The following EFCAB5 variants were observed in gnomAD, a reference collection of about 807,000 sequenced individuals.
EFCAB5 encodes EF-hand calcium-binding domain-containing protein 5.
EFCAB5 carries 131 observed loss-of-function variants against 167.9 expected under a neutral mutation model. The ratio of observed to expected loss-of-function variants is 0.78; its 90% confidence interval spans 0.68 to 0.90. EFCAB5 has a LOEUF of 0.90. EFCAB5 is among the 40% of genes least tolerant of loss of function. The pLI is 0.00. For missense variants in EFCAB5, 1,663 were observed against 1,745.2 expected (o/e 0.95, Z 0.84); for synonymous variants, 574 against 602.8 (o/e 0.95, Z 0.70).
intron 14 of EFCAB5, among the ~76,000 whole-genome samples, chr17:30,076,589 T>C (rs2070872933): frequency 6.6e-6 from 1 of 152,232 alleles, no homozygotes; most frequent in South Asian, 2.1e-4. Context: ...TGGTGTAGAA[T>C]AGATGCTATC....
chr17:30,050,274 A>T (rs2151771742), intron 8 of EFCAB5, among the ~76,000 whole-genome samples: 1 of 152,020 alleles, frequency 6.6e-6, no homozygotes, highest in South Asian at 2.1e-4. Context: ...AGCTGGGATT[A>T]CAGGTGCCCA....
At chr17:29,957,856 A>G (rs907393354) in intron 3 of EFCAB5, among the ~76,000 whole-genome samples, 5 of 152,278 alleles carry the variant, frequency 3.3e-5, no homozygotes, top group East Asian at 3.9e-4. Flanking sequence ...ATACCCAGCA[A>G]TGGGATTGCT....
chr17:30,047,790 A>G (rs2069969674), intron 8 of EFCAB5, among the ~76,000 whole-genome samples: 1 of 152,228 alleles, frequency 6.6e-6, no homozygotes, highest in Non-Finnish European at 1.5e-5. Flanking sequence ...GTCCAGAAAC[A>G]TGAGTTGAGA....
In EFCAB5 at chr17:30,090,478, A is replaced by G. The variant is rs373752416; in HGVS notation, c.3741A>G (p.Gly1247=). 349 of 1,614,016 alleles carry G rather than the reference A, an allele frequency of 2.2e-4. No homozygotes were observed. The East Asian group carries it at 7.2e-3, about 33-fold the overall frequency. ...AAGTTGTTCTGGCTTCTGCCTGTGG[A>G]GAAACGCATATAGTAGTTCCACTTC... ...SSEVVLASAC[G]ETHIVVPLRE... The change falls in exon 20 of 23, where the codon GGA becomes GGG. Residue 1247 remains glycine, a synonymous_variant. Coordinates refer to ENST00000394835, the MANE Select transcript of EFCAB5 (RefSeq NM_198529.4).
At chr17:29,970,308 G>A (rs189657019) in intron 4 of EFCAB5, among the ~76,000 whole-genome samples, 77 of 151,580 alleles carry the variant, frequency 5.1e-4, no homozygotes, top group Admixed American at 2.0e-3. Flanking sequence ...TCATGCATTC[G>A]TACCACACTG....
chr17:30,073,666 TC>T (rs1199136445), intron 14 of EFCAB5: 6 of 714,624 alleles, frequency 8.4e-6, no homozygotes, highest in Non-Finnish European at 1.6e-5. Flanking sequence ...GGAAGTTTTT[TC>T]CTCTTGAGAC....
At chr17:30,022,173 C>A (rs1022914698) in intron 7 of EFCAB5, among the ~76,000 whole-genome samples, 8 of 152,016 alleles carry the variant, frequency 5.3e-5, no homozygotes, top group African/African-American at 1.7e-4. Context: ...TAAATGAAGA[C>A]CCAAAGTAAC....
intron 14 of EFCAB5, among the ~76,000 whole-genome samples, chr17:30,072,157 C>T (rs958862015): frequency 9.9e-5 from 15 of 152,086 alleles, no homozygotes; most frequent in African/African-American, 3.6e-4. Flanking sequence ...TTTGAATGTT[C>T]CCAACACAAA....
intron 14 of EFCAB5, among the ~76,000 whole-genome samples, chr17:30,067,371 T>G (rs978053972): frequency 1.3e-5 from 2 of 152,114 alleles, no homozygotes; most frequent in Non-Finnish European, 2.9e-5. Flanking sequence ...TCCCAGCACT[T>G]TGGGGGGCCA....
intron 14 of EFCAB5, among the ~76,000 whole-genome samples, chr17:30,070,096 C>T (rs1378794933): frequency 6.6e-6 from 1 of 152,160 alleles, no homozygotes; most frequent in Non-Finnish European, 1.5e-5. Flanking sequence ...TAACGTCTCT[C>T]AACAAATGAT....
chr17:29,971,381 C>T (rs2067952602), intron 4 of EFCAB5, among the ~76,000 whole-genome samples: 1 of 152,136 alleles, frequency 6.6e-6, no homozygotes, highest in South Asian at 2.1e-4. Flanking sequence ...TATCCTACTA[C>T]CTCCAATACA....
intron 5 of EFCAB5, among the ~76,000 whole-genome samples, chr17:29,995,193 A>T (rs1421716389): frequency 1.3e-5 from 2 of 152,164 alleles, no homozygotes; most frequent in African/African-American, 4.8e-5. Context: ...TTGTTTGATG[A>T]GAAGAATGAG....
intron 7 of EFCAB5, among the ~76,000 whole-genome samples, chr17:30,008,959 G>T (rs986960525): frequency 3.3e-5 from 5 of 152,184 alleles, no homozygotes; most frequent in African/African-American, 1.2e-4. Context: ...GGAAGAATTT[G>T]TTCCTTGGCT....
At chr17:29,994,355 T>C (rs1026041130) in intron 5 of EFCAB5, among the ~76,000 whole-genome samples, 3 of 151,678 alleles carry the variant, frequency 2.0e-5, no homozygotes, top group Non-Finnish European at 4.4e-5. Flanking sequence ...TAGAGGATTC[T>C]TTGGATGGCC....
chr17:29,931,595 A>G (rs1459095129), intron 1 of EFCAB5, among the ~76,000 whole-genome samples: 1 of 152,204 alleles, frequency 6.6e-6, no homozygotes. Context: ...TGGTTCACAG[A>G]TTAAACAATC....
At chr17:30,014,136 G>C (rs1223508756) in intron 7 of EFCAB5, among the ~76,000 whole-genome samples, 3 of 152,172 alleles carry the variant, frequency 2.0e-5, no homozygotes, top group African/African-American at 7.2e-5. Flanking sequence ...TTAATCCTGA[G>C]TTCTCATTTG....
In EFCAB5 at chr17:30,077,262, A is replaced by G. The variant is rs551421711; in HGVS notation, c.2738-953A>G. On this transcript the variant is annotated intron_variant, in intron 14 of 22. Transcript: ENST00000394835. ...GGTTGCAGTAAGCCAAGATTGTGCC[A>G]CTACACTCCAGCTTGGGCTACAGAG... Among the ~76,000 whole-genome samples, 32 of 152,340 alleles carry G rather than the reference A, an allele frequency of 2.1e-4. No individual in the cohort carries two copies. In the South Asian group the frequency reaches 6.4e-3, roughly 31 times the overall value.
chr17:30,081,101 C>A, intron 17 of EFCAB5, 120 bp downstream of exon 17: 2 of 748,158 alleles, frequency 2.7e-6, no homozygotes, highest in Non-Finnish European at 4.3e-6. Flanking sequence ...CATCATCATA[C>A]TTGCTCCTGT....
At chr17:30,054,468 A>G (rs1328347379) in intron 10 of EFCAB5, among the ~76,000 whole-genome samples, 2 of 152,228 alleles carry the variant, frequency 1.3e-5, no homozygotes, top group Admixed American at 1.3e-4. Flanking sequence ...AATGTCTGAT[A>G]TTAGAAACCA....
Sources: gnomAD v4.1 joint callset for allele counts (sites outside exome capture counted in the v4.1 genomes callset) on GRCh38, gnomAD v4.1.1 for gene constraint, MANE v1.5 for transcripts, NCBI Gene and HGNC (gene_info 2026-07-23, HGNC 2026-07-21) for gene names.